The following BEST3 variants were observed in gnomAD, a reference collection of about 807,000 sequenced individuals.
The protein encoded by BEST3 is bestrophin 3.
In BEST3, 50 loss-of-function variants were observed where a neutral mutation model predicts 47.1. The observed-to-expected ratio is 1.06, with a 90% CI of 0.85 to 1.34. The LOEUF (loss-of-function observed/expected upper bound fraction) is 1.34. Ranked by LOEUF, BEST3 falls within the 40% of genes most tolerant of loss-of-function variation. The pLI is 0.00. For synonymous variants in BEST3, 282 were observed against 298.8 expected (o/e 0.94, Z 0.58); for missense variants, 765 against 817.0 (o/e 0.94, Z 0.78).
intron 9 of BEST3, among the ~76,000 whole-genome samples, chr12:69,656,771 TG>T (rs1883528107): frequency 6.6e-6 from 1 of 152,318 alleles, no homozygotes; most frequent in Admixed American, 6.5e-5. Context: ...TCCAAGCCCT[TG>T]CTCCTAATCC....
downstream of BEST3, among the ~76,000 whole-genome samples, chr12:69,651,298 A>G (rs1319457580): frequency 6.6e-6 from 1 of 152,230 alleles, no homozygotes; most frequent in Admixed American, 6.5e-5. Flanking sequence ...GGCAAGTGAA[A>G]TGAGCCAGAA....
intron 1 of BEST3, 45 bp downstream of exon 1, chr12:69,699,160 G>A (rs1886233151): frequency 1.1e-6 from 1 of 942,142 alleles, no homozygotes; most frequent in Admixed American, 6.2e-5. Context: ...ATCACAGCAA[G>A]TAGAGGTCAG....
chr12:69,697,219 A>G (rs1245314244), intron 2 of BEST3, among the ~76,000 whole-genome samples: 2 of 152,214 alleles, frequency 1.3e-5, no homozygotes, highest in East Asian at 1.9e-4. Context: ...TTTCCCTGAC[A>G]TACACCAATC....
At chr12:69,687,280 A>T (rs536509408) in intron 4 of BEST3, 6 of 152,284 alleles carry the variant, frequency 3.9e-5, no homozygotes, top group Non-Finnish European at 7.3e-5. Context: ...TGAAAATTCC[A>T]GTGGAGTCTC....
rs1883351113 is a variant in BEST3 at position 69,654,786 on chromosome 12, A to T, written c.*121T>A. On this transcript the variant is annotated 3_prime_UTR_variant, in exon 10 of 10. Coordinates refer to ENST00000330891, the MANE Select transcript of BEST3 (RefSeq NM_032735.3). ...TGCCCTTCAAAGTTCTAAGTAGCTT[A>T]TACAGTGTGATCATGTTTTTTAAAA... is the stretch of plus-strand genomic sequence containing the variant. 1 of 1,455,780 alleles carries T rather than the reference A, an allele frequency of 6.9e-7. No individual in the cohort carries two copies. The highest frequency in any genetic ancestry group is 2.7e-5 in the Admixed American group (1 of 36,548). The allele number at this position is 1,455,780 out of a possible 1,614,324, so 90.2% of individuals were successfully genotyped here.
Position 69,655,802 on chromosome 12 carries a change from G to A in BEST3, c.1112C>T (p.Ser371Phe). 6.2e-7 allele frequency: 1 copy of A among 1,606,552 alleles called. No individual in the cohort carries two copies. Among genetic ancestry groups the A allele is most frequent in the Non-Finnish European group, 8.5e-7 (1 of 1,175,006 alleles). Residue 371 changes from serine to phenylalanine, a missense_variant, in exon 10 of 10, where the codon TCC becomes TTC. By Grantham distance (155) the Ser-to-Phe change is radical. Coordinates refer to ENST00000330891, the MANE Select transcript of BEST3 (RefSeq NM_032735.3). Reference protein sequence around the residue: ...GSTVQMGLSGSDFPDEEWLWD... With the variant: ...GSTVQMGLSGFDFPDEEWLWD... ...CAGCCACTCCTCGTCAGGAAAGTCG[G>A]ACCCAGACAGCCTGAAACACACAAT...
At chr12:69,678,553 A>C (rs960218093) in intron 5 of BEST3, among the ~76,000 whole-genome samples, 186 bp downstream of exon 5, 2 of 152,212 alleles carry the variant, frequency 1.3e-5, no homozygotes, top group Non-Finnish European at 2.9e-5. Flanking sequence ...ATTTCCAAGC[A>C]ACCTGAGTTT....
At chr12:69,680,310 C>CTTCTTTTTTTTTTTTTTTTT (rs763385722) in intron 4 of BEST3, among the ~76,000 whole-genome samples, 1,224 of 94,746 alleles carry the variant, frequency 0.013, 170 homozygotes, top group Middle Eastern at 0.024. Flanking sequence ...TACACTTGAT[C>CTTCTTTTTTTTTTTTTTTTT]TTTTTTTTTT....
At chr12:69,680,310 C>CTTCTTCTTTTTTTT (rs763385722) in intron 4 of BEST3, among the ~76,000 whole-genome samples, 1 of 95,032 alleles carries the variant, frequency 1.1e-5, no homozygotes. Flanking sequence ...TACACTTGAT[C>CTTCTTCTTTTTTTT]TTTTTTTTTT....
Position 69,690,650 on chromosome 12 carries a change from G to A in BEST3, c.481+3024C>T, listed in dbSNP as rs116303170. On this transcript the variant is annotated intron_variant, in intron 4 of 9. Coordinates refer to ENST00000330891, the MANE Select transcript of BEST3 (RefSeq NM_032735.3). ...TGCACTCTCTTCATTTCAAGGATGC[G>A]TCAGAACTAGAGAAATATCACCTCT... 4.2e-3 allele frequency among the ~76,000 whole-genome samples: 634 copies of A among 152,282 alleles called. 2 individuals are homozygous for A. Among genetic ancestry groups the A allele is most frequent in the African/African-American group, 0.014 (601 of 41,546 alleles).
intron 4 of BEST3, chr12:69,683,341 A>G (rs990828705): frequency 6.6e-6 from 1 of 152,236 alleles, no homozygotes; most frequent in African/African-American, 2.4e-5. Context: ...ATATAAGCAG[A>G]ATAATTTTTG....
At chr12:69,657,822 G>A (rs939607308) in intron 9 of BEST3, among the ~76,000 whole-genome samples, 3 of 152,184 alleles carry the variant, frequency 2.0e-5, no homozygotes, top group East Asian at 1.9e-4. Flanking sequence ...GTCCTGGGAC[G>A]GCGTTCGATT....
chr12:69,650,324 C>T (rs900999944), downstream of BEST3, among the ~76,000 whole-genome samples: 27 of 152,048 alleles, frequency 1.8e-4, no homozygotes, highest in African/African-American at 5.8e-4. Context: ...TTGGTTCTTT[C>T]GACTCAGTGG....
At chr12:69,675,241 TC>T (rs1358966947) in intron 7 of BEST3, among the ~76,000 whole-genome samples, 1 of 152,128 alleles carries the variant, frequency 6.6e-6, no homozygotes, top group Middle Eastern at 3.2e-3. Flanking sequence ...CACCTCAGCC[TC>T]CCACGTATGT....
At chr12:69,665,438 C>T (rs367960773) in intron 9 of BEST3, among the ~76,000 whole-genome samples, 9 of 152,188 alleles carry the variant, frequency 5.9e-5, no homozygotes, top group African/African-American at 1.9e-4. Flanking sequence ...ACTAAAAATA[C>T]AAAAATTAGC....
At chr12:69,699,094 C>T (rs1886231579) in intron 1 of BEST3, 111 bp downstream of exon 1, 2 of 590,544 alleles carry the variant, frequency 3.4e-6, no homozygotes, top group African/African-American at 2.0e-5. Flanking sequence ...AATTAACTTT[C>T]CTTTCTTTCA....
chr12:69,672,540 T>C (rs765441552), intron 8 of BEST3, among the ~76,000 whole-genome samples: 28 of 152,236 alleles, frequency 1.8e-4, no homozygotes, highest in Non-Finnish European at 1.9e-4. Context: ...GATGCCATTT[T>C]AAGTCACTAT....
At chr12:69,666,592 C>G (rs1399782210) in intron 9 of BEST3, among the ~76,000 whole-genome samples, 1 of 152,166 alleles carries the variant, frequency 6.6e-6, no homozygotes. Flanking sequence ...TTTCCTCTGA[C>G]CACCCTTTCA....
chr12:69,661,832 G>C lies in BEST3; in HGVS notation c.1101-6019C>G, dbSNP rs139973022. ...GATGACCCCACTACTACCCGTGTTG[G>C]CCTATCTGGTCATTGAACCAAGGGC... On this transcript the variant is annotated intron_variant, in intron 9 of 9. Transcript: ENST00000330891. Among the ~76,000 whole-genome samples, 694 of 152,254 alleles carry C rather than the reference G, an allele frequency of 4.6e-3. 4 individuals are homozygous for C. Among genetic ancestry groups the C allele is most frequent in the African/African-American group, 0.015 (629 of 41,542 alleles).
Sources: gnomAD v4.1 joint callset for allele counts (sites outside exome capture counted in the v4.1 genomes callset) on GRCh38, gnomAD v4.1.1 for gene constraint, MANE v1.5 for transcripts, NCBI Gene and HGNC (gene_info 2026-07-23, HGNC 2026-07-21) for gene names.